The following KCNN3 variants were observed in gnomAD, a reference collection of about 807,000 sequenced individuals.
KCNN3 encodes small conductance calcium-activated potassium channel protein 3.
Under a neutral mutation model 62.9 loss-of-function variants are expected in KCNN3, and 16 were observed. The observed-to-expected ratio is 0.25, with a 90% CI of 0.17 to 0.39. The LOEUF (loss-of-function observed/expected upper bound fraction) is 0.39. KCNN3 is among the 10% of genes least tolerant of loss of function. The probability of loss-of-function intolerance (pLI) is 1.00; values close to 1 mark genes in which losing one functional copy is unlikely to be tolerated. For missense variants in KCNN3, 599 were observed against 949.4 expected, an observed-to-expected ratio of 0.63 and a Z score of 4.85; for synonymous variants, 370 against 389.2, an observed-to-expected ratio of 0.95 and a Z score of 0.58.
chr1:154,748,103 T>C (rs1026089256), intron 3 of KCNN3, among the ~76,000 whole-genome samples: 1 of 152,218 alleles, frequency 6.6e-6, no homozygotes, highest in Non-Finnish European at 1.5e-5. Context: ...TCAGAGCTAC[T>C]GAAGGAAGCT....
At position 154,729,969 on chromosome 1, in the gene KCNN3, A is replaced by G. The variant is rs1321597872; in HGVS notation, c.1590+3034T>C. Among the ~76,000 whole-genome samples the G allele has an allele frequency of 3.3e-5, 5 of 152,242 alleles. No homozygotes were observed. In the East Asian group the frequency reaches 9.6e-4, roughly 29 times the overall value. On this transcript the variant is annotated intron_variant, in intron 4 of 7. Transcript: ENST00000271915. ...CATAACTGATGAAGGGTCTACAGAG[A>G]GAGTCCAGCTTTAGAAAGAGGCTAG... is the stretch of plus-strand genomic sequence containing the variant.
chr1:154,742,065 C>T (rs775169393), intron 3 of KCNN3, among the ~76,000 whole-genome samples: 7 of 152,244 alleles, frequency 4.6e-5, no homozygotes, highest in Non-Finnish European at 1.0e-4. Context: ...GGCCTGCTTT[C>T]CTCCCGCCTT....
At chr1:154,848,678 C>A (rs577054420) in intron 1 of KCNN3, among the ~76,000 whole-genome samples, 5 of 152,314 alleles carry the variant, frequency 3.3e-5, no homozygotes, top group Non-Finnish European at 5.9e-5. Context: ...CAACTTTGAG[C>A]CTCTGCCCCT....
intron 1 of KCNN3, chr1:154,859,597 G>A: frequency 1.7e-6 from 2 of 1,203,338 alleles, no homozygotes; most frequent in Non-Finnish European, 2.5e-6. Context: ...TCAGCTCAAA[G>A]CCACTGACAG....
chr1:154,769,428 CAG>C (rs146624307), intron 3 of KCNN3, among the ~76,000 whole-genome samples: 48 of 149,760 alleles, frequency 3.2e-4, no homozygotes, highest in Non-Finnish European at 3.7e-4. Context: ...CCCATGTCTG[CAG>C]AGAGAGAGAG....
intron 1 of KCNN3, among the ~76,000 whole-genome samples, chr1:154,842,638 C>T (rs1049220047): frequency 1.1e-5 from 1 of 91,570 alleles, no homozygotes; most frequent in Non-Finnish European, 2.2e-5. Flanking sequence ...GACCCCCCCC[C>T]CGCCACCACC....
chr1:154,850,578 C>T (rs1239735599), intron 1 of KCNN3, among the ~76,000 whole-genome samples: 6 of 152,192 alleles, frequency 3.9e-5, no homozygotes, highest in African/African-American at 1.4e-4. Flanking sequence ...AGGCTTTGGA[C>T]ATTTGGCGAC....
intron 1 of KCNN3, among the ~76,000 whole-genome samples, chr1:154,866,744 GC>G (rs1652970142): frequency 6.6e-6 from 1 of 152,218 alleles, no homozygotes; most frequent in African/African-American, 2.4e-5. Context: ...CTCAGCTACT[GC>G]CCCCTCGGTG....
intron 2 of KCNN3, among the ~76,000 whole-genome samples, chr1:154,817,464 T>A (rs1466276830): frequency 1.3e-5 from 2 of 152,248 alleles, no homozygotes; most frequent in African/African-American, 2.4e-5. Context: ...AGGATCAGCA[T>A]CCAAGATGGA....
intron 1 of KCNN3, among the ~76,000 whole-genome samples, chr1:154,850,152 G>A (rs1652246828): frequency 3.9e-5 from 6 of 152,172 alleles, no homozygotes; most frequent in Admixed American, 3.3e-4. Context: ...GGCAGAGCCA[G>A]GCGGCCCCAC....
At chr1:154,764,466 G>A (rs1648168847) in intron 3 of KCNN3, among the ~76,000 whole-genome samples, 1 of 152,122 alleles carries the variant, frequency 6.6e-6, no homozygotes, top group Non-Finnish European at 1.5e-5. Flanking sequence ...CTATGGTATG[G>A]ATTAAGTGAA....
At chr1:154,844,247 G>A (rs2101915159) in intron 1 of KCNN3, among the ~76,000 whole-genome samples, 1 of 152,302 alleles carries the variant, frequency 6.6e-6, no homozygotes, top group East Asian at 1.9e-4. Flanking sequence ...TTCTTGTCAG[G>A]CTTTTAGACT....
At chr1:154,816,928 C>T (rs888528972) in intron 2 of KCNN3, among the ~76,000 whole-genome samples, 4 of 152,274 alleles carry the variant, frequency 2.6e-5, no homozygotes, top group African/African-American at 7.2e-5. Flanking sequence ...GTGAACTTGC[C>T]CCTCTACCCA....
intron 4 of KCNN3, among the ~76,000 whole-genome samples, chr1:154,728,813 G>T (rs1700529206): frequency 6.6e-6 from 1 of 152,140 alleles, no homozygotes; most frequent in Admixed American, 6.5e-5. Context: ...AAAAATGATG[G>T]GCTGATGGGA....
Position 154,869,169 on chromosome 1 carries a change from T to G in KCNN3, c.796A>C (p.Ile266Leu), listed in dbSNP as rs771147595. The change falls in exon 1 of 8, where the codon ATT (isoleucine) becomes CTT (leucine). Residue 266 changes from isoleucine to leucine, a missense_variant. Physicochemically the swap from Ile to Leu is conservative, Grantham distance 5. Coordinates refer to ENST00000271915, the MANE Select transcript of KCNN3 (RefSeq NM_002249.6). This position sits in a 1 kb window ranked among gnomAD's most constrained non-coding sequence, Gnocchi z 6.1. ...PKANKRKNQN[I>L]GYKLGHRRAL... ...CTCCTGTGTCCCAGCTTATAGCCAATGTTTTGGTTTTTCCGCTTGTTGGCT... is the reference window on the plus strand; with the variant it reads ...CTCCTGTGTCCCAGCTTATAGCCAAGGTTTTGGTTTTTCCGCTTGTTGGCT... The G allele has an allele frequency of 5.0e-6, 8 of 1,613,594 alleles. No individual in the cohort carries two copies.
At chr1:154,850,612 T>C (rs1571337829) in intron 1 of KCNN3, among the ~76,000 whole-genome samples, 1 of 152,206 alleles carries the variant, frequency 6.6e-6, no homozygotes, top group South Asian at 2.1e-4. Context: ...ATGAGGCTGG[T>C]GATTCCCAAC....
Position 154,815,415 on chromosome 1 carries a change from T to A in KCNN3, c.1029+6674A>T, listed in dbSNP as rs1650621675. Among the ~76,000 whole-genome samples the A allele has an allele frequency of 2.6e-5, 4 of 152,138 alleles. No individual in the cohort carries two copies. In the South Asian group the frequency reaches 8.3e-4, roughly 32 times the overall value. On this transcript the variant is annotated intron_variant, in intron 2 of 7. Coordinates refer to ENST00000271915, the MANE Select transcript of KCNN3 (RefSeq NM_002249.6). ...CTGGCGAATGCAGGGCACAGCATCA[T>A]CTCCGCGTGAAACCTGCCCAGCCTC...
chr1:154,837,394 C>T (rs1286676956), intron 1 of KCNN3, among the ~76,000 whole-genome samples: 17 of 152,168 alleles, frequency 1.1e-4, no homozygotes, highest in African/African-American at 4.1e-4. Context: ...CCACCCGCCT[C>T]GGCCTCCCAA....
rs143830956 is a variant in KCNN3, at chr1:154,869,362, G to A, written c.603C>T (p.Ala201=). The part of the protein sequence containing the change: ...LSASRRNLIE[A]ETEGQPLQLF... ...GCTGGAGGGGTTGGCCCTCAGTCTC[G>A]GCCTCGATGAGGTTCCTCCGGGAGG... is the stretch of plus-strand genomic sequence containing the variant. Residue 201 remains alanine (A), a synonymous_variant, in exon 1 of 8, where the codon GCC becomes GCT. Transcript: ENST00000271915. This position sits in a 1 kb window ranked among gnomAD's most constrained non-coding sequence, Gnocchi z 6.1. 20 of 1,613,958 alleles carry A rather than the reference G, an allele frequency of 1.2e-5. No individual in the cohort carries two copies. Among genetic ancestry groups the A allele is most frequent in the Non-Finnish European group, 1.4e-5 (17 of 1,179,982 alleles).
Sources: allele counts gnomAD v4.1 joint callset (sites outside exome capture counted in the v4.1 genomes callset), GRCh38; gene constraint gnomAD v4.1.1; non-coding constraint Gnocchi (gnomAD v3.1); transcripts MANE v1.5; gene names NCBI Gene and HGNC (gene_info 2026-07-23, HGNC 2026-07-21).